The following SAXO1 variants were observed in gnomAD, a reference collection of about 807,000 sequenced individuals.
The protein encoded by SAXO1 is stabilizer of axonemal microtubules 1, also known as 4930500O09Rik.
In SAXO1, 21 loss-of-function variants were observed where a neutral mutation model predicts 17.5. The ratio of observed to expected loss-of-function variants is 1.20; its 90% CI spans 0.85 to 1.72. SAXO1 has a LOEUF of 1.72. Ranked by LOEUF, SAXO1 falls within the 40% of genes most tolerant of loss-of-function variation. SAXO1 has a pLI of 0.00. For synonymous variants in SAXO1, 274 were observed against 216.5 expected (o/e 1.27, Z -2.33); for missense variants, 843 against 596.0 (o/e 1.41, Z -4.32).
intron 1 of SAXO1, chr9:19,028,247 G>A (rs1156335596): frequency 2.6e-6 from 2 of 759,098 alleles, no homozygotes; most frequent in East Asian, 2.8e-5. Context: ...GTAGTGGCGG[G>A]CGCCTGTAAT....
intron 2 of SAXO1, among the ~76,000 whole-genome samples, chr9:18,949,285 T>C (rs888156404): frequency 2.6e-5 from 4 of 152,054 alleles, no homozygotes; most frequent in African/African-American, 9.7e-5. Flanking sequence ...TAGCAAAACC[T>C]TGTCTCTACA....
At position 19,032,914 on chromosome 9, in the gene SAXO1, C is replaced by A. The variant is rs757750168; in HGVS notation, c.-6G>T. 5.6e-6 allele frequency: 9 copies of A among 1,608,282 alleles called. No homozygotes were observed. In the East Asian group the frequency reaches 2.0e-4, roughly 36 times the overall value. ...CAGATGCACTTCGTCTTCATAGGGGCGATCCTGAGGCCCTGACGTCCCCTC... is the reference window on the plus strand; with the variant it reads ...CAGATGCACTTCGTCTTCATAGGGGAGATCCTGAGGCCCTGACGTCCCCTC... On this transcript the variant is annotated 5_prime_UTR_variant, in exon 1 of 4. Transcript: ENST00000380534.
At chr9:18,940,376 A>G (rs1411866466) in intron 3 of SAXO1, among the ~76,000 whole-genome samples, 1 of 152,238 alleles carries the variant, frequency 6.6e-6, no homozygotes, top group Admixed American at 6.5e-5. Context: ...GGAAGAAGCT[A>G]AAGAAAATAA....
intron 1 of SAXO1, among the ~76,000 whole-genome samples, chr9:18,976,479 C>G (rs900518455): frequency 2.0e-5 from 3 of 152,194 alleles, no homozygotes; most frequent in African/African-American, 7.2e-5. Flanking sequence ...ACTAAAAACA[C>G]ATTTTAAGTG....
rs1835501280 is a variant in SAXO1, at chr9:19,026,991, A to G, written c.38+5880T>C. Reference sequence around the variant, plus strand: ...CATCCAGCGCACATGGCTTCTGGACAGTGAGATCAAGATCATGAAGAGTTA... The same window carrying G: ...CATCCAGCGCACATGGCTTCTGGACGGTGAGATCAAGATCATGAAGAGTTA... On this transcript the variant is annotated intron_variant, in intron 1 of 3. Transcript: ENST00000380534. 4 of 899,784 alleles carry G rather than the reference A, an allele frequency of 4.4e-6. No individual in the cohort carries two copies. The East Asian group carries it at 1.0e-4, about 23-fold the overall frequency. 55.7% of individuals were successfully genotyped at this position (899,784 alleles called of 1,614,324 possible). A position where few individuals can be genotyped will look rare whatever the true frequency, so the allele number is the denominator to read the frequency against.
intron 1 of SAXO1, among the ~76,000 whole-genome samples, chr9:18,997,412 G>A (rs1834052600): frequency 6.6e-6 from 1 of 152,232 alleles, no homozygotes; most frequent in African/African-American, 2.4e-5. Context: ...CCATTGCTGA[G>A]GCTTGAGTAG....
intron 1 of SAXO1, among the ~76,000 whole-genome samples, chr9:18,975,383 C>T (rs981412076): frequency 6.6e-6 from 1 of 152,224 alleles, no homozygotes; most frequent in African/African-American, 2.4e-5. Flanking sequence ...CTGCTACTAC[C>T]GCTCTGCACA....
chr9:18,964,898 T>C lies in SAXO1; in HGVS notation c.39-13961A>G, dbSNP rs569687605. The stretch of plus-strand genomic sequence containing the variant: ...GCTTTCTCCTGTGTGCATTTGGTGC[T>C]ATAAATTTCCCTCTACACACTGCTT... On this transcript the variant is annotated intron_variant, in intron 1 of 3. Transcript: ENST00000380534. Among the ~76,000 whole-genome samples the C allele has an allele frequency of 2.6e-5, 4 of 152,354 alleles. No homozygotes were observed. In the South Asian group the frequency reaches 8.3e-4, roughly 32 times the overall value.
At chr9:18,934,160 G>A (rs1000411995) in intron 3 of SAXO1, among the ~76,000 whole-genome samples, 4 of 152,146 alleles carry the variant, frequency 2.6e-5, no homozygotes, top group African/African-American at 7.2e-5. Flanking sequence ...ACTATGTTAT[G>A]AATAGATGTG....
rs1013173641 is a variant in SAXO1, at chr9:19,007,120, G to A, written c.38+25751C>T. 7.2e-5 allele frequency among the ~76,000 whole-genome samples: 11 copies of A among 152,032 alleles called. No homozygotes were observed. The South Asian group carries it at 8.3e-4, about 11-fold the overall frequency. ...TCCCAGCACTTTGGGAGGCCGAGGC[G>A]GGTGGATCATGAGGTCAAGAGATCG... On this transcript the variant is annotated intron_variant, in intron 1 of 3. Coordinates refer to ENST00000380534, the MANE Select transcript of SAXO1 (RefSeq NM_153707.4).
At position 18,928,289 on chromosome 9, in the gene SAXO1, A is replaced by G; in HGVS notation, c.1188T>C (p.Pro396=). ...GGCTTTCCACAGGGACATTTCCTCG[A>G]GGGCCAGACCAATGAGGCTTACAGC... is the stretch of plus-strand genomic sequence containing the variant. ...TKSCKPHWSG[P]RGNVPVESQT... The change falls in exon 4 of 4, where the codon CCT becomes CCC. Residue 396 remains proline, a synonymous_variant. Coordinates refer to ENST00000380534, the MANE Select transcript of SAXO1 (RefSeq NM_153707.4). 1 of 1,612,538 alleles carries G rather than the reference A, an allele frequency of 6.2e-7. No homozygotes were observed. Among genetic ancestry groups the G allele is most frequent in the Non-Finnish European group, 8.5e-7 (1 of 1,179,018 alleles).
chr9:18,934,937 T>G (rs1831224406), intron 3 of SAXO1, among the ~76,000 whole-genome samples: 1 of 152,140 alleles, frequency 6.6e-6, no homozygotes. Flanking sequence ...ATTTGCTTGT[T>G]TGTTTTGAGA....
In SAXO1 at chr9:18,961,239, C is replaced by T. The variant is rs115176965; in HGVS notation, c.39-10302G>A. On this transcript the variant is annotated intron_variant, in intron 1 of 3. Transcript: ENST00000380534. ...TAGAGTGCAGTGGTGCAATGACGGC[C>T]AGCTAAGTACAGCCTCAACCTCCCG... Among the ~76,000 whole-genome samples, 346 of 152,004 alleles carry T rather than the reference C, an allele frequency of 2.3e-3. 4 individuals are homozygous for T. The highest frequency in any genetic ancestry group is 8.2e-3 in the African/African-American group (340 of 41,450).
chr9:18,944,108 A>G (rs1474645414), intron 2 of SAXO1, among the ~76,000 whole-genome samples: 1 of 151,676 alleles, frequency 6.6e-6, no homozygotes, highest in Non-Finnish European at 1.5e-5. Flanking sequence ...ACAAAAGCCA[A>G]TCGCCTTTTC....
intron 1 of SAXO1, among the ~76,000 whole-genome samples, chr9:18,991,455 C>T (rs566243958): frequency 6.6e-6 from 1 of 152,230 alleles, no homozygotes; most frequent in South Asian, 2.1e-4. Flanking sequence ...TCTGAGCAAA[C>T]TATCACAAGG....
chr9:19,038,993 T>A (rs1052587293), intron 1 of SAXO1, among the ~76,000 whole-genome samples: 3 of 152,142 alleles, frequency 2.0e-5, no homozygotes, highest in Non-Finnish European at 2.9e-5. Context: ...GCACAATTTT[T>A]ATTCTGTGGC....
chr9:19,022,447 G>A lies in SAXO1; in HGVS notation c.38+10424C>T, dbSNP rs984483078. On this transcript the variant is annotated intron_variant, in intron 1 of 3. Transcript: ENST00000380534. The stretch of plus-strand genomic sequence containing the variant: ...AATATTACTCACTGCCCTCCCATGT[G>A]AAGCAAGATAAAGAACAGGGTATTC... Among the ~76,000 whole-genome samples the A allele has an allele frequency of 1.8e-4, 27 of 152,332 alleles. 1 individual carries two copies. The highest frequency in any genetic ancestry group is 3.4e-3 in the Middle Eastern group (1 of 294).
chr9:19,010,109 G>C (rs191219396), intron 1 of SAXO1, among the ~76,000 whole-genome samples: 1 of 151,598 alleles, frequency 6.6e-6, no homozygotes, highest in Admixed American at 6.6e-5. Flanking sequence ...GATTTCAGGC[G>C]TGAGCCACTT....
At chr9:18,979,361 G>A (rs1427849231) in intron 1 of SAXO1, among the ~76,000 whole-genome samples, 1 of 152,216 alleles carries the variant, frequency 6.6e-6, no homozygotes, top group Non-Finnish European at 1.5e-5. Context: ...GTAGAAAAAT[G>A]TGTAATAAAC....
Sources: gnomAD v4.1 joint callset for allele counts (sites outside exome capture counted in the v4.1 genomes callset) on GRCh38, gnomAD v4.1.1 for gene constraint, MANE v1.5 for transcripts, NCBI Gene and HGNC (gene_info 2026-07-23, HGNC 2026-07-21) for gene names.